Variants in POLH observed in about 807,000 individuals in gnomAD.
POLH encodes DNA polymerase eta transcript.
In POLH, 53 loss-of-function variants were observed where a neutral mutation model predicts 73.6. That is an observed-to-expected ratio of 0.72 (90% CI 0.58 to 0.91). POLH has a LOEUF of 0.91. Among genes scored for constraint, POLH ranks in the 40% least tolerant of loss-of-function variants. The pLI, the probability that POLH is intolerant of heterozygous loss-of-function variation, is 0.00. For missense variants in POLH, 768 were observed against 865.4 expected (o/e 0.89, Z 1.41); for synonymous variants, 292 against 308.5 (o/e 0.95, Z 0.56).
chr6:43,582,813 C>A (rs960254198), intron 2 of POLH, among the ~76,000 whole-genome samples, 194 bp from the exon 3 acceptor site: 6 of 152,212 alleles, frequency 3.9e-5, no homozygotes, highest in African/African-American at 1.4e-4. Flanking sequence ...TCCCAAAGTA[C>A]AGGAATTGCC....
intron 7 of POLH, among the ~76,000 whole-genome samples, 191 bp downstream of exon 7, chr6:43,604,202 G>C (rs1194697293): frequency 6.6e-6 from 1 of 152,070 alleles, no homozygotes; most frequent in Non-Finnish European, 1.5e-5. Flanking sequence ...TTTTTTCCAT[G>C]TACCTAGGTG....
rs772570523 is a variant in POLH at position 43,601,092 on chromosome 6, G to A, written c.764+1G>A. On this transcript the variant is annotated splice_donor_variant, in intron 6 of 10. Transcript: ENST00000372236. LOFTEE classifies it high-confidence loss of function. Reference sequence around the variant, plus strand: ...TCAGCCAAATGCCCATTCGCAAAATGTAAGTATTCAGGCAGCATGTTAAAT... The same window carrying A: ...TCAGCCAAATGCCCATTCGCAAAATATAAGTATTCAGGCAGCATGTTAAAT... 6 of 1,591,314 alleles carry A rather than the reference G, an allele frequency of 3.8e-6. No homozygotes were observed. The highest frequency in any genetic ancestry group is 3.3e-5 in the Admixed American group (2 of 59,962).
At chr6:43,591,195 A>G (rs1333915177) in intron 4 of POLH, 3 of 152,258 alleles carry the variant, frequency 2.0e-5, no homozygotes, top group African/African-American at 4.8e-5. Flanking sequence ...ATCATGGTAC[A>G]TAAGCTTTTG....
intron 9 of POLH, among the ~76,000 whole-genome samples, chr6:43,607,681 A>G (rs1251470219): frequency 6.6e-6 from 1 of 152,134 alleles, no homozygotes; most frequent in African/African-American, 2.4e-5. Flanking sequence ...CATCCTTACC[A>G]TCAATGTAAG....
rs9333521 is a variant in POLH at position 43,587,240 on chromosome 6, T to C, written c.273-32T>C. ...ACAATCTCAAGGTTGCCTCTGTTTA[T>C]TGCCTGCATGAATGATCCTTATACT... On this transcript the variant is annotated intron_variant, in intron 3 of 10. Transcript: ENST00000372236. 6,794 of 1,541,962 alleles carry C rather than the reference T, an allele frequency of 4.4e-3. 219 individuals carry two copies. In the African/African-American group the frequency reaches 0.074, roughly 17 times the overall value.
chr6:43,604,581 A>G (rs1467156260), intron 7 of POLH, 34 bp from the exon 8 acceptor site: 1 of 1,608,278 alleles, frequency 6.2e-7, no homozygotes, highest in Non-Finnish European at 8.5e-7. Flanking sequence ...TAATCATTTA[A>G]TTTCACCTTA....
At chr6:43,578,368 C>T (rs899641549) in intron 1 of POLH, 39 of 424,768 alleles carry the variant, frequency 9.2e-5, no homozygotes, top group African/African-American at 3.6e-4. Flanking sequence ...GCCTGCGCAA[C>T]GAGAACGAAA....
intron 1 of POLH, among the ~76,000 whole-genome samples, chr6:43,581,559 C>G (rs887743143): frequency 1.3e-4 from 19 of 150,554 alleles, no homozygotes; most frequent in African/African-American, 3.7e-4. Flanking sequence ...TCCTTGCCCT[C>G]GGGCCCGCGG....
chr6:43,584,749 G>A (rs1455849289), intron 3 of POLH, among the ~76,000 whole-genome samples: 6 of 152,138 alleles, frequency 3.9e-5, no homozygotes. Flanking sequence ...TTAAGTTGGG[G>A]TTCCTGCAAC....
intron 9 of POLH, among the ~76,000 whole-genome samples, chr6:43,610,316 C>T (rs909806569): frequency 4.6e-5 from 7 of 152,118 alleles, no homozygotes; most frequent in African/African-American, 1.7e-4. Context: ...CCACCTGTCT[C>T]AGCCTCCCAA....
rs1768461913 is a variant in POLH, at chr6:43,618,005, T to C, written c.*3448T>C. 6.6e-6 allele frequency among the ~76,000 whole-genome samples: 1 copy of C among 152,214 alleles called. No homozygotes were observed. Among genetic ancestry groups the C allele is most frequent in the Admixed American group, 6.5e-5 (1 of 15,280 alleles). ...ATGACCAGGTGTGTAGAGGACATTT[T>C]CTTAAGCCCTTAAGTACAAATTTAA... On this transcript the variant is annotated 3_prime_UTR_variant, in exon 11 of 11. Transcript: ENST00000372236.
At chr6:43,612,531 G>A (rs548635676) in intron 10 of POLH, among the ~76,000 whole-genome samples, 4 of 151,958 alleles carry the variant, frequency 2.6e-5, no homozygotes, top group Non-Finnish European at 5.9e-5. Context: ...ACTTTTAGTA[G>A]AGACAGGGTT....
chr6:43,588,389 CTTT>C (rs1157490910), intron 4 of POLH: 3 of 151,714 alleles, frequency 2.0e-5, no homozygotes, highest in Admixed American at 6.6e-5. Context: ...CCCTTCCTTT[CTTT>C]TCTTTCTTTC....
chr6:43,613,696 A>G lies in POLH; in HGVS notation c.1281A>G (p.Thr427=), dbSNP rs776256019. 10 of 1,613,920 alleles carry G rather than the reference A, an allele frequency of 6.2e-6. No individual in the cohort carries two copies. The Admixed American group carries it at 1.7e-4, about 27-fold the overall frequency. The change falls in exon 11 of 11, where the codon ACA becomes ACG. Residue 427 remains threonine, a synonymous_variant. Transcript: ENST00000372236. ...TCACAATGCTTTTCCTCTGTGCTAC[A>G]AAATTTTCTGCCTCTGCCCCTTCAT... ...PPLTMLFLCA[T]KFSASAPSSS...
chr6:43,582,730 G>A (rs577946430), intron 2 of POLH, among the ~76,000 whole-genome samples: 2 of 150,666 alleles, frequency 1.3e-5, no homozygotes, highest in Non-Finnish European at 2.9e-5. Flanking sequence ...GGATTGGTTG[G>A]GGGGGCAGGG....
chr6:43,616,680 G>C lies in POLH; in HGVS notation c.*2123G>C, dbSNP rs1264055975. Among the ~76,000 whole-genome samples, 2 of 152,134 alleles carry C rather than the reference G, an allele frequency of 1.3e-5. No individual in the cohort carries two copies. Among genetic ancestry groups the C allele is most frequent in the African/African-American group, 4.8e-5 (2 of 41,414 alleles). Reference sequence around the variant, plus strand: ...CCAGATTTACCTGTTTTCAGCTGAAGAATGTGAGATGAAGCCTTGAAACCC... The same window carrying C: ...CCAGATTTACCTGTTTTCAGCTGAACAATGTGAGATGAAGCCTTGAAACCC... On this transcript the variant is annotated 3_prime_UTR_variant, in exon 11 of 11. Coordinates refer to ENST00000372236, the MANE Select transcript of POLH (RefSeq NM_006502.3).
chr6:43,581,513 A>G (rs1764211936), intron 1 of POLH, among the ~76,000 whole-genome samples: 1 of 149,332 alleles, frequency 6.7e-6, no homozygotes, highest in African/African-American at 2.5e-5. Flanking sequence ...AGAGGCTGCA[A>G]TCTCGGCACT....
Position 43,618,164 on chromosome 6 carries a change from TA to T in POLH, c.*3608del, listed in dbSNP as rs1049323045. ...CATGTTTATACTACTGTATTATTATTATTTTTTTTTGAGATGGAGTCTCGCT... is the reference window on the plus strand; with the variant it reads ...CATGTTTATACTACTGTATTATTATTTTTTTTTTTGAGATGGAGTCTCGCT... On this transcript the variant is annotated 3_prime_UTR_variant, in exon 11 of 11. Transcript: ENST00000372236. Among the ~76,000 whole-genome samples, 4 of 152,106 alleles carry T rather than the reference TA, an allele frequency of 2.6e-5. No homozygotes were observed. The highest frequency in any genetic ancestry group is 9.7e-5 in the African/African-American group (4 of 41,414).
intron 8 of POLH, 132 bp from the exon 9 acceptor site, chr6:43,605,122 T>G: frequency 1.4e-6 from 1 of 701,324 alleles, no homozygotes; most frequent in Non-Finnish European, 2.6e-6. Context: ...TATGATCTGG[T>G]GATCCTTTGA....
Sources: gnomAD v4.1 joint callset for allele counts (sites outside exome capture counted in the v4.1 genomes callset) on GRCh38, gnomAD v4.1.1 for gene constraint, MANE v1.5 for transcripts, NCBI Gene and HGNC (gene_info 2026-07-23, HGNC 2026-07-21) for gene names.